The following SIPA1L1 variants were observed in gnomAD, a reference collection of about 807,000 sequenced individuals.
The protein encoded by SIPA1L1 is signal-induced proliferation-associated 1-like protein 1.
In SIPA1L1, 26 loss-of-function variants were observed where a neutral mutation model predicts 162.7. The observed-to-expected ratio is 0.16, with a 90% CI of 0.12 to 0.22. The LOEUF is 0.22. Ranked by LOEUF, SIPA1L1 falls within the 10% of genes least tolerant of loss-of-function variation. The pLI, the probability that SIPA1L1 is intolerant of heterozygous loss-of-function variation, is 1.00. For synonymous variants in SIPA1L1, 829 were observed against 837.4 expected (o/e 0.99, Z 0.17); for missense variants, 1,874 against 2,241.0 (o/e 0.84, Z 3.31).
chr14:71,461,440 A>G (rs1408531126), intron 2 of SIPA1L1, among the ~76,000 whole-genome samples: 2 of 152,128 alleles, frequency 1.3e-5, no homozygotes, highest in Admixed American at 1.3e-4. Context: ...GCTGAGTAGT[A>G]TCCACAGAAT....
chr14:71,372,260 A>G (rs1156528392), intron 2 of SIPA1L1, among the ~76,000 whole-genome samples: 4 of 152,160 alleles, frequency 2.6e-5, no homozygotes, highest in African/African-American at 4.8e-5. Flanking sequence ...TTTAGTTGCT[A>G]TCAGTATGCA....
At chr14:71,440,079 G>A (rs529081919) in intron 2 of SIPA1L1, among the ~76,000 whole-genome samples, 143 of 152,166 alleles carry the variant, frequency 9.4e-4, no homozygotes, top group Non-Finnish European at 1.7e-3. Flanking sequence ...TGCCTAAGCT[G>A]GAGTGGCGCC....
At chr14:71,571,900 C>T (rs1272103814) in intron 4 of SIPA1L1, among the ~76,000 whole-genome samples, 1 of 151,704 alleles carries the variant, frequency 6.6e-6, no homozygotes, top group Non-Finnish European at 1.5e-5. Context: ...GATCCGCTCG[C>T]TTCAGCCTCC....
chr14:71,638,567 CATT>C (rs2041396104), intron 7 of SIPA1L1, among the ~76,000 whole-genome samples: 1 of 152,136 alleles, frequency 6.6e-6, no homozygotes, highest in African/African-American at 2.4e-5. Context: ...CTATAGCTTG[CATT>C]ATTCTTAATG....
chr14:71,516,717 A>C (rs2051765740), intron 3 of SIPA1L1, among the ~76,000 whole-genome samples: 1 of 151,634 alleles, frequency 6.6e-6, no homozygotes, highest in Admixed American at 6.6e-5. Context: ...TCACGCCTGT[A>C]ATCCCAGCAC....
At chr14:71,548,561 A>T (rs1159711690) in intron 4 of SIPA1L1, among the ~76,000 whole-genome samples, 1 of 152,178 alleles carries the variant, frequency 6.6e-6, no homozygotes, top group African/African-American at 2.4e-5. Flanking sequence ...GGATGTTTAC[A>T]TTTCTAATAT....
chr14:71,603,923 A>ATATATATATTTATATATCTATATATATT (rs1233188438), intron 5 of SIPA1L1, among the ~76,000 whole-genome samples: 10 of 142,778 alleles, frequency 7.0e-5, no homozygotes, highest in East Asian at 2.0e-4. Flanking sequence ...ATATATAAAT[A>ATATATATATTTATATATCTATATATATT]TATATATATT....
In SIPA1L1 at chr14:71,587,903, A is replaced by G. The variant is rs761268873; in HGVS notation, c.31A>G (p.Arg11Gly). 1 of 1,611,260 alleles carries G rather than the reference A, an allele frequency of 6.2e-7. No homozygotes were observed. Among genetic ancestry groups the G allele is most frequent in the South Asian group, 1.1e-5 (1 of 91,048 alleles). ...CAGCTTGAAACGGTCACAGACAGAAAGGCCTCTTGCCACTGACAGGGCCTC... is the reference window on the plus strand; with the variant it reads ...CAGCTTGAAACGGTCACAGACAGAAGGGCCTCTTGCCACTGACAGGGCCTC... MTSLKRSQTE[R>G]PLATDRASVV... The change falls in exon 5 of 24, where the codon AGG becomes GGG. Residue 11 changes from arginine to glycine, a missense_variant. By Grantham distance (125) the Arg-to-Gly change is moderately radical. Transcript: ENST00000381232.
chr14:71,433,745 CA>C (rs1288275479), intron 2 of SIPA1L1, among the ~76,000 whole-genome samples: 1 of 152,110 alleles, frequency 6.6e-6, no homozygotes, highest in Non-Finnish European at 1.5e-5. Context: ...AGGCACTTTT[CA>C]TTGAAAAGGA....
chr14:71,364,184 T>C (rs2038067530), intron 2 of SIPA1L1, among the ~76,000 whole-genome samples: 1 of 152,234 alleles, frequency 6.6e-6, no homozygotes, highest in South Asian at 2.1e-4. Context: ...GTCATGTGGC[T>C]TCTGGCAAAC....
At chr14:71,575,307 GT>G (rs768965420) in intron 4 of SIPA1L1, among the ~76,000 whole-genome samples, 1 of 152,110 alleles carries the variant, frequency 6.6e-6, no homozygotes, top group East Asian at 1.9e-4. Flanking sequence ...CTTACTGTCT[GT>G]GCCCCCAGCC....
chr14:71,624,550 TTG>T (rs1267096997), intron 7 of SIPA1L1, among the ~76,000 whole-genome samples: 2 of 152,194 alleles, frequency 1.3e-5, no homozygotes, highest in Non-Finnish European at 2.9e-5. Context: ...CATAATAATG[TTG>T]TGTTAATGAC....
At chr14:71,378,548 C>A (rs1424270576) in intron 2 of SIPA1L1, among the ~76,000 whole-genome samples, 1 of 152,122 alleles carries the variant, frequency 6.6e-6, no homozygotes, top group Admixed American at 6.5e-5. Context: ...TTATTGAGAG[C>A]CCACCATATG....
In SIPA1L1 at chr14:71,390,978, A is replaced by T. The variant is rs946196994; in HGVS notation, c.-465+69797A>T. Among the ~76,000 whole-genome samples the T allele has an allele frequency of 3.3e-5, 5 of 152,204 alleles. No homozygotes were observed. In the South Asian group the frequency reaches 6.2e-4, roughly 19 times the overall value. On this transcript the variant is annotated intron_variant, in intron 2 of 23. Coordinates refer to ENST00000381232, the MANE Select transcript of SIPA1L1 (RefSeq NM_001386936.1). Reference sequence around the variant, plus strand: ...TTTAAATATATGTATCTAATTCTTCATCTGACATTTATTGAACCCTTCCTT... The same window carrying T: ...TTTAAATATATGTATCTAATTCTTCTTCTGACATTTATTGAACCCTTCCTT...
chr14:71,683,410 G>T (rs765613293), intron 12 of SIPA1L1, among the ~76,000 whole-genome samples: 5 of 152,182 alleles, frequency 3.3e-5, no homozygotes, highest in Non-Finnish European at 7.3e-5. Flanking sequence ...AGATAGTCCA[G>T]ATTTTGAGCA....
At chr14:71,527,542 T>C (rs2053005813) in intron 3 of SIPA1L1, among the ~76,000 whole-genome samples, 1 of 152,102 alleles carries the variant, frequency 6.6e-6, no homozygotes, top group South Asian at 2.1e-4. Flanking sequence ...TTATATGTTC[T>C]GAATCTGTCC....
At chr14:71,719,217 G>A (rs561848900) in intron 17 of SIPA1L1, among the ~76,000 whole-genome samples, 3 of 152,174 alleles carry the variant, frequency 2.0e-5, no homozygotes, top group East Asian at 3.9e-4. Context: ...GGCATTACAG[G>A]TGTGAGCCAC....
At chr14:71,535,504 C>CT (rs2053816140) in intron 4 of SIPA1L1, among the ~76,000 whole-genome samples, 1 of 152,040 alleles carries the variant, frequency 6.6e-6, no homozygotes, top group Non-Finnish European at 1.5e-5. Flanking sequence ...AAAGGAATGC[C>CT]TTCTGCTCCT....
chr14:71,433,565 C>T (rs2044161238), intron 2 of SIPA1L1, among the ~76,000 whole-genome samples: 2 of 152,186 alleles, frequency 1.3e-5, no homozygotes, highest in African/African-American at 4.8e-5. Flanking sequence ...GATCCTGCCA[C>T]CTCAGCCTCC....
Sources: gnomAD v4.1 joint callset for allele counts (sites outside exome capture counted in the v4.1 genomes callset) on GRCh38, gnomAD v4.1.1 for gene constraint, MANE v1.5 for transcripts, NCBI Gene and HGNC (gene_info 2026-07-23, HGNC 2026-07-21) for gene names.